The following BCAR3 variants were observed in gnomAD, a reference collection of about 807,000 sequenced individuals.
BCAR3 encodes breast cancer anti-estrogen resistance protein 3.
Under a neutral mutation model 80.1 loss-of-function variants are expected in BCAR3, and 37 were observed. The observed-to-expected ratio is 0.46, with a 90% CI of 0.36 to 0.61. The LOEUF is 0.61. Ranked by LOEUF, BCAR3 falls within the 20% of genes least tolerant of loss-of-function variation. BCAR3 has a pLI of 0.00. For missense variants in BCAR3, 978 were observed against 1,068.2 expected (o/e 0.92, Z 1.18); for synonymous variants, 389 against 418.9 (o/e 0.93, Z 0.87).
At chr1:93,741,702 G>A (rs1386331124) in intron 2 of BCAR3, among the ~76,000 whole-genome samples, 2 of 151,972 alleles carry the variant, frequency 1.3e-5, no homozygotes, top group Non-Finnish European at 2.9e-5. Context: ...TCGAGTAGCT[G>A]GGATTACAGG....
At chr1:93,740,220 A>G (rs191671322) in intron 2 of BCAR3, among the ~76,000 whole-genome samples, 1 of 152,266 alleles carries the variant, frequency 6.6e-6, no homozygotes, top group African/African-American at 2.4e-5. Flanking sequence ...GCCGACAACA[A>G]TGGCTAGGTG....
At chr1:93,611,026 G>A (rs1408967363) in intron 3 of BCAR3, among the ~76,000 whole-genome samples, 1 of 152,102 alleles carries the variant, frequency 6.6e-6, no homozygotes, top group Non-Finnish European at 1.5e-5. Context: ...GAGCCTTGGT[G>A]TGTCCTCTGC....
At chr1:93,815,346 A>G (rs1653979089) in intron 2 of BCAR3, among the ~76,000 whole-genome samples, 1 of 152,196 alleles carries the variant, frequency 6.6e-6, no homozygotes, top group African/African-American at 2.4e-5. Context: ...CAAGAAGGAG[A>G]GAAAGAAGAG....
At chr1:93,607,528 A>T (rs1192739770) in intron 3 of BCAR3, among the ~76,000 whole-genome samples, 1 of 151,834 alleles carries the variant, frequency 6.6e-6, no homozygotes, top group Non-Finnish European at 1.5e-5. Context: ...GCTGCTCCTC[A>T]AACTCATCCC....
At chr1:93,696,810 C>G (rs775801793) in intron 3 of BCAR3, among the ~76,000 whole-genome samples, 1 of 152,244 alleles carries the variant, frequency 6.6e-6, no homozygotes. Context: ...GCCCAGGCAT[C>G]GTGTCCCCAG....
At chr1:93,643,093 G>T (rs972620249) in intron 2 of BCAR3, among the ~76,000 whole-genome samples, 2 of 151,402 alleles carry the variant, frequency 1.3e-5, no homozygotes, top group African/African-American at 4.9e-5. Context: ...TGGGTGTGGT[G>T]GCGCATGTCT....
chr1:93,755,908 G>A (rs998378077), intron 2 of BCAR3, among the ~76,000 whole-genome samples: 1 of 152,106 alleles, frequency 6.6e-6, no homozygotes, highest in Non-Finnish European at 1.5e-5. Context: ...GAGGTTATCT[G>A]GAGTCACACT....
intron 7 of BCAR3, among the ~76,000 whole-genome samples, chr1:93,576,606 T>G (rs1673469751): frequency 6.6e-6 from 1 of 152,230 alleles, no homozygotes; most frequent in Non-Finnish European, 1.5e-5. Context: ...CTGGCTGCTA[T>G]TACCCTTAAT....
chr1:93,836,024 C>T (rs1004831843), intron 2 of BCAR3, among the ~76,000 whole-genome samples: 1 of 152,210 alleles, frequency 6.6e-6, no homozygotes, highest in African/African-American at 2.4e-5. Context: ...CCCTTACCAT[C>T]CTCAATCTTC....
At chr1:93,618,459 C>T (rs1675205693) in intron 3 of BCAR3, among the ~76,000 whole-genome samples, 1 of 152,250 alleles carries the variant, frequency 6.6e-6, no homozygotes. Flanking sequence ...TTTCTCTCTG[C>T]TGGGCCTTCT....
chr1:93,711,705 G>A (rs1650028825), intron 2 of BCAR3, among the ~76,000 whole-genome samples: 1 of 152,198 alleles, frequency 6.6e-6, no homozygotes, highest in Admixed American at 6.5e-5. Context: ...GCACATAGTA[G>A]AGACTCAATA....
intron 2 of BCAR3, among the ~76,000 whole-genome samples, chr1:93,832,381 C>T (rs562168174): frequency 3.3e-5 from 5 of 152,308 alleles, no homozygotes; most frequent in Admixed American, 6.5e-5. Context: ...CTGCAGCCTG[C>T]GATTCCTCCT....
At chr1:93,598,316 G>A (rs188674492) in intron 3 of BCAR3, among the ~76,000 whole-genome samples, 12 of 152,318 alleles carry the variant, frequency 7.9e-5, no homozygotes, top group African/African-American at 2.4e-4. Context: ...ACACTCATTC[G>A]CATGTAGGAG....
chr1:93,690,816 T>C (rs1420835347), intron 3 of BCAR3, among the ~76,000 whole-genome samples: 24 of 152,234 alleles, frequency 1.6e-4, no homozygotes, highest in Admixed American at 1.6e-3. Context: ...ACTATCGAGA[T>C]TAAACTACTA....
At chr1:93,679,205 C>A (rs1387808430) in intron 1 of BCAR3, among the ~76,000 whole-genome samples, 1 of 152,156 alleles carries the variant, frequency 6.6e-6, no homozygotes, top group African/African-American at 2.4e-5. Flanking sequence ...ATACAAAGTT[C>A]TTGAAATACT....
chr1:93,847,259 G>T (rs1310493409), upstream of BCAR3: 1 of 184,840 alleles, frequency 5.4e-6, no homozygotes, highest in African/African-American at 2.4e-5. Context: ...AGGGAGCCGG[G>T]GAGGGAAAAG....
intron 2 of BCAR3, among the ~76,000 whole-genome samples, chr1:93,772,738 TG>T (rs1236411858): frequency 6.6e-6 from 1 of 152,144 alleles, no homozygotes; most frequent in Admixed American, 6.5e-5. Flanking sequence ...CCTGAGTAGC[TG>T]GAACTACAGG....
At chr1:93,796,474 T>G (rs940476039) in intron 2 of BCAR3, among the ~76,000 whole-genome samples, 5 of 148,894 alleles carry the variant, frequency 3.4e-5, no homozygotes, top group African/African-American at 5.1e-5. Flanking sequence ...CCTGACCCCT[T>G]GCGCTTCCCA....
chr1:93,688,121 G>A (rs890524031), intron 3 of BCAR3, among the ~76,000 whole-genome samples: 1 of 152,178 alleles, frequency 6.6e-6, no homozygotes, highest in Admixed American at 6.5e-5. Context: ...AGTCTACTAG[G>A]CAGGGAAGTC....
Sources: allele counts gnomAD v4.1 joint callset (sites outside exome capture counted in the v4.1 genomes callset), GRCh38; gene constraint gnomAD v4.1.1; transcripts MANE v1.5; gene names NCBI Gene and HGNC (gene_info 2026-07-23, HGNC 2026-07-21).